Variants in CYP4V2 observed in about 807,000 individuals in gnomAD.
CYP4V2 encodes the protein cytochrome P450 4V2.
CYP4V2 carries 55 observed loss-of-function variants against 60.8 expected under a neutral mutation model. That is an observed-to-expected ratio of 0.90 (90% CI 0.73 to 1.13). CYP4V2 has a LOEUF of 1.13. Ranked by LOEUF, CYP4V2 falls within the 50% of genes most tolerant of loss-of-function variation. The pLI, the probability that CYP4V2 is intolerant of heterozygous loss-of-function variation, is 0.00. For missense variants in CYP4V2, 675 were observed against 662.9 expected, an observed-to-expected ratio of 1.02 and a Z score of -0.20; for synonymous variants, 239 against 236.8, an observed-to-expected ratio of 1.01 and a Z score of -0.08.
chr4:186,196,137 A>G (rs746297506), intron 3 of CYP4V2, 49 bp downstream of exon 3: 7 of 1,451,448 alleles, frequency 4.8e-6, no homozygotes, highest in Middle Eastern at 1.7e-4. Context: ...GGTTACTTCT[A>G]CGTGCAACTT....
At position 186,194,483 on chromosome 4, in the gene CYP4V2, T is replaced by G; in HGVS notation, c.215-17T>G. ...TTCTCATCTTGATTGAATTTCAAAT[T>G]TGATGTTTTTCCCCAGAATTTTTTC... On this transcript the variant is annotated splice_polypyrimidine_tract_variant and intron_variant, in intron 1 of 10. Transcript: ENST00000378802. The G allele has an allele frequency of 6.2e-7, 1 of 1,604,408 alleles. No individual in the cohort carries two copies. Among genetic ancestry groups the G allele is most frequent in the South Asian group, 1.1e-5 (1 of 90,854 alleles).
At chr4:186,197,285 G>A (rs1440391613) in intron 4 of CYP4V2, 155 bp downstream of exon 4, 4 of 982,730 alleles carry the variant, frequency 4.1e-6, no homozygotes, top group Non-Finnish European at 6.2e-6. Context: ...CTGAGGAGCA[G>A]CAGCCACGCC....
In CYP4V2 at chr4:186,212,389, C is replaced by A. The variant is rs916600082; in HGVS notation, c.*1748C>A. ...CTTTAGTTAATTCAACCTTATAGAT[C>A]ATACTTATGAAGGTGATAACTGACA... On this transcript the variant is annotated 3_prime_UTR_variant, in exon 11 of 11. Coordinates refer to ENST00000378802, the MANE Select transcript of CYP4V2 (RefSeq NM_207352.4). 1 of 152,196 alleles carries A rather than the reference C, an allele frequency of 6.6e-6. No homozygotes were observed. Among genetic ancestry groups the A allele is most frequent in the Non-Finnish European group, 1.5e-5 (1 of 68,048 alleles). 9.4% of individuals were successfully genotyped at this position (152,196 alleles called of 1,614,324 possible). A position where few individuals can be genotyped will look rare whatever the true frequency, so the allele number is the denominator to read the frequency against.
At position 186,192,041 on chromosome 4, in the gene CYP4V2, A is replaced by AG; in HGVS notation, c.214+7dup. On this transcript the variant is annotated splice_donor_region_variant and intron_variant, in intron 1 of 10. Coordinates refer to ENST00000378802, the MANE Select transcript of CYP4V2 (RefSeq NM_207352.4). ...CTGATGAAGCCGGACGGGCGAGGTA[A>AG]GGGCCGGCGCTCCTCCTGGAGCGCA... The AG allele has an allele frequency of 6.4e-7, 1 of 1,567,694 alleles. No homozygotes were observed.
rs1404405146 is a variant in CYP4V2 at position 186,211,686 on chromosome 4, CACACACACACAT to C, written c.*1053_*1064del. 4 of 101,406 alleles carry C rather than the reference CACACACACACAT, an allele frequency of 3.9e-5. No homozygotes were observed. The highest frequency in any genetic ancestry group is 6.4e-5 in the African/African-American group (2 of 31,294). The allele number at this position is 101,406 out of a possible 1,614,324, so 6.3% of individuals were successfully genotyped here. On this transcript the variant is annotated 3_prime_UTR_variant, in exon 11 of 11. Coordinates refer to ENST00000378802, the MANE Select transcript of CYP4V2 (RefSeq NM_207352.4). ...ACATACACACACACACACACACACA[CACACACACACAT>C]ACACACATATAATTTGAAAGAGGTG...
intron 1 of CYP4V2, among the ~76,000 whole-genome samples, chr4:186,193,967 A>G (rs1736067177): frequency 6.6e-6 from 1 of 152,194 alleles, no homozygotes; most frequent in Non-Finnish European, 1.5e-5. Context: ...GCTGCCTTAG[A>G]ACCACAGATT....
intron 10 of CYP4V2, 143 bp downstream of exon 10, chr4:186,209,415 T>C (rs1736639055): frequency 2.8e-6 from 3 of 1,056,830 alleles, no homozygotes; most frequent in East Asian, 2.5e-5. Context: ...TTTCCCTCAC[T>C]GTGCTTTGTA....
chr4:186,197,701 A>AACATT, intron 5 of CYP4V2, 99 bp downstream of exon 5: 1 of 1,277,830 alleles, frequency 7.8e-7, no homozygotes, highest in South Asian at 1.2e-5. Flanking sequence ...TATGGTTTCA[A>AACATT]AATTAAACAT....
intron 7 of CYP4V2, 93 bp from the exon 8 acceptor site, chr4:186,205,107 C>T (rs1736458234): frequency 8.3e-7 from 1 of 1,203,266 alleles, no homozygotes; most frequent in African/African-American, 1.5e-5. Flanking sequence ...GTGCAGTCAT[C>T]AAATCCAGAG....
chr4:186,193,789 C>A (rs1200219617), intron 1 of CYP4V2, among the ~76,000 whole-genome samples: 3 of 152,170 alleles, frequency 2.0e-5, no homozygotes, highest in African/African-American at 7.2e-5. Flanking sequence ...CTTTCACATA[C>A]AAGAGGTGTT....
At position 186,209,186 on chromosome 4, in the gene CYP4V2, A is replaced by T; in HGVS notation, c.1319A>T (p.Gln440Leu). 6.2e-7 allele frequency: 1 copy of T among 1,614,146 alleles called. No homozygotes were observed. The highest frequency in any genetic ancestry group is 8.5e-7 in the Non-Finnish European group (1 of 1,180,020). Residue 440 changes from glutamine to leucine, a missense_variant, in exon 10 of 11, where the codon CAG becomes CTG. Transcript: ENST00000378802. ...PRYFPNPEEFQPERFFPENAQ... is the reference protein window; with the variant it reads ...PRYFPNPEEFLPERFFPENAQ... ...TACTTCCCCAACCCCGAGGAGTTCC[A>T]GCCTGAGCGGTTCTTCCCCGAGAAT...
At chr4:186,198,458 A>T (rs1192896736) in intron 5 of CYP4V2, among the ~76,000 whole-genome samples, 8 of 152,316 alleles carry the variant, frequency 5.3e-5, no homozygotes, top group Non-Finnish European at 1.2e-4. Context: ...CCTGCAGGAG[A>T]TCACATAGGG....
Position 186,205,155 on chromosome 4 carries a change from G to A in CYP4V2, c.988-45G>A, listed in dbSNP as rs766770477. ...AGGTTTCTGGTCACTCCTAATCATC[G>A]CAGCATAACTCTGCTTTTTAAGCTA... On this transcript the variant is annotated intron_variant, in intron 7 of 10. Transcript: ENST00000378802. The A allele has an allele frequency of 8.4e-5, 132 of 1,576,438 alleles. 1 individual carries two copies. Among genetic ancestry groups the A allele is most frequent in the Admixed American group, 4.0e-4 (24 of 59,936 alleles).
At position 186,194,638 on chromosome 4, in the gene CYP4V2, AT is replaced by A. The variant is rs138717663; in HGVS notation, c.327+28del. On this transcript the variant is annotated intron_variant, in intron 2 of 10. Transcript: ENST00000378802. The stretch of plus-strand genomic sequence containing the variant: ...GTGGGTACATGTGAATATGATCAGT[AT>A]TGTACTGTGTATCTGACAGTGTGAG... 8.5e-3 allele frequency: 13,265 copies of A among 1,563,102 alleles called. 533 individuals carry two copies. The East Asian group carries it at 0.093, about 11-fold the overall frequency.
chr4:186,192,200 C>G (rs1348201545), intron 1 of CYP4V2, 163 bp downstream of exon 1: 1 of 890,488 alleles, frequency 1.1e-6, no homozygotes, highest in South Asian at 1.4e-5. Flanking sequence ...CCTTGGCACC[C>G]GCCGACACTG....
chr4:186,198,723 T>C (rs1461963658), intron 5 of CYP4V2, among the ~76,000 whole-genome samples: 1 of 152,184 alleles, frequency 6.6e-6, no homozygotes, highest in Admixed American at 6.5e-5. Context: ...CTAGTAAGGA[T>C]GTTTTATAAT....
In CYP4V2 at chr4:186,211,968, C is replaced by G. The variant is rs1248518383; in HGVS notation, c.*1327C>G. The G allele has an allele frequency of 6.6e-6, 1 of 152,030 alleles. No homozygotes were observed. The highest frequency in any genetic ancestry group is 1.5e-5 in the Non-Finnish European group (1 of 68,012). 9.4% of individuals were successfully genotyped at this position (152,030 alleles called of 1,614,324 possible). A position where few individuals can be genotyped will look rare whatever the true frequency, so the allele number is the denominator to read the frequency against. ...TGGAAGAGATTCATCTTCATAATCT[C>G]CAGTTTTTTCACAGTGCCTCACAGA... On this transcript the variant is annotated 3_prime_UTR_variant, in exon 11 of 11. Transcript: ENST00000378802.
Position 186,211,828 on chromosome 4 carries a change from G to T in CYP4V2, c.*1187G>T, listed in dbSNP as rs1301730844. ...TACTTTTCAGATTTTATAACCTGGA[G>T]CAGATTATTTTAAGTTGATTAGTAG... On this transcript the variant is annotated 3_prime_UTR_variant, in exon 11 of 11. Coordinates refer to ENST00000378802, the MANE Select transcript of CYP4V2 (RefSeq NM_207352.4). The T allele has an allele frequency of 6.6e-6, 1 of 152,154 alleles. No homozygotes were observed. Among genetic ancestry groups the T allele is most frequent in the African/African-American group, 2.4e-5 (1 of 41,432 alleles). The allele number at this position is 152,154 out of a possible 1,614,324, so 9.4% of individuals were successfully genotyped here.
chr4:186,194,398 C>CA, intron 1 of CYP4V2, 102 bp from the exon 2 acceptor site: 1 of 988,276 alleles, frequency 1.0e-6, no homozygotes, highest in Non-Finnish European at 1.6e-6. Context: ...TAACATATTA[C>CA]AGAATTAGTA....
Sources: allele counts gnomAD v4.1 joint callset (sites outside exome capture counted in the v4.1 genomes callset), GRCh38; gene constraint gnomAD v4.1.1; transcripts MANE v1.5; gene names NCBI Gene and HGNC (gene_info 2026-07-23, HGNC 2026-07-21).